TEKT5: variants seen among roughly 807,000 people sequenced by gnomAD.
The protein encoded by TEKT5 is tektin-5.
TEKT5 carries 52 observed loss-of-function variants against 48.7 expected under a neutral mutation model. The ratio of observed to expected loss-of-function variants is 1.07; its 90% CI spans 0.86 to 1.35. The LOEUF (loss-of-function observed/expected upper bound fraction) is 1.35. Ranked by LOEUF, TEKT5 falls within the 40% of genes most tolerant of loss-of-function variation. The pLI is 0.00. For synonymous variants in TEKT5, 318 were observed against 267.6 expected (o/e 1.19, Z -1.84); for missense variants, 831 against 641.6 (o/e 1.30, Z -3.19).
chr16:10,652,789 C>A (rs1259412227), intron 5 of TEKT5, among the ~76,000 whole-genome samples: 1 of 134,288 alleles, frequency 7.4e-6, no homozygotes, highest in Admixed American at 7.5e-5. Flanking sequence ...CACACACACA[C>A]ACACACCCTC....
chr16:10,666,633 G>C (rs1898461969), intron 5 of TEKT5, among the ~76,000 whole-genome samples: 1 of 152,362 alleles, frequency 6.6e-6, no homozygotes, highest in Non-Finnish European at 1.5e-5. Context: ...ACTGCAGAGA[G>C]AGGGAACGCC....
intron 4 of TEKT5, among the ~76,000 whole-genome samples, chr16:10,680,633 G>C (rs1390494131): frequency 6.6e-6 from 1 of 151,594 alleles, no homozygotes; most frequent in African/African-American, 2.4e-5. Context: ...TGATAGACTG[G>C]ATTAAGAAAA....
chr16:10,690,880 GAGAACTC>G lies in TEKT5; in HGVS notation c.565-862_565-856del. Reference sequence around the variant, plus strand: ...TGGATGTCAGGATGCAAATGTATGTGAGAACTCAGAAATGGGAGGGGGTCACTGACCC... The same window carrying G: ...TGGATGTCAGGATGCAAATGTATGTGAGAAATGGGAGGGGGTCACTGACCC... On this transcript the variant is annotated intron_variant, in intron 1 of 6. Transcript: ENST00000283025. 4 of 747,220 alleles carry G rather than the reference GAGAACTC, an allele frequency of 5.4e-6. No homozygotes were observed. In the African/African-American group the frequency reaches 5.7e-5, roughly 11 times the overall value. The allele number at this position is 747,220 out of a possible 1,614,324, so 46.3% of individuals were successfully genotyped here. A position where few individuals can be genotyped will look rare whatever the true frequency, so the allele number is the denominator to read the frequency against.
chr16:10,629,163 C>T lies in TEKT5; in HGVS notation c.1242-1364G>A, dbSNP rs147628897. On this transcript the variant is annotated intron_variant, in intron 6 of 6. Coordinates refer to ENST00000283025, the MANE Select transcript of TEKT5 (RefSeq NM_144674.2). ...TCCTTTTGGGTTGATGAAAACATCA[C>T]AGAACTAGAGAGTGGTGAGGGTTGC... is the stretch of plus-strand genomic sequence containing the variant. 1.8e-3 allele frequency among the ~76,000 whole-genome samples: 273 copies of T among 152,070 alleles called. 1 individual carries two copies. The highest frequency in any genetic ancestry group is 6.3e-3 in the African/African-American group (261 of 41,482).
chr16:10,683,297 C>T (rs11074915), intron 3 of TEKT5, among the ~76,000 whole-genome samples: 2 of 128,544 alleles, frequency 1.6e-5, no homozygotes, highest in Non-Finnish European at 1.8e-5. Context: ...TCAGGGGCTA[C>T]GTGAGGACAG....
At chr16:10,679,322 T>G (rs933041202) in intron 4 of TEKT5, among the ~76,000 whole-genome samples, 1 of 152,034 alleles carries the variant, frequency 6.6e-6, no homozygotes, top group African/African-American at 2.4e-5. Flanking sequence ...CTAGGCGTGG[T>G]GGCATGTGCC....
intron 5 of TEKT5, among the ~76,000 whole-genome samples, chr16:10,656,394 G>T (rs529034591): frequency 2.5e-4 from 38 of 152,132 alleles, no homozygotes; most frequent in Non-Finnish European, 5.1e-4. Context: ...TGGGACTACA[G>T]GCGTGTGCCA....
chr16:10,681,332 G>A (rs955718477), intron 4 of TEKT5, among the ~76,000 whole-genome samples: 2 of 151,956 alleles, frequency 1.3e-5, no homozygotes, highest in African/African-American at 2.4e-5. Flanking sequence ...TAGCGTAGAG[G>A]CTGGGATTTG....
At chr16:10,644,334 G>A (rs12597743) in intron 5 of TEKT5, among the ~76,000 whole-genome samples, 27,116 of 152,126 alleles carry the variant, frequency 0.18, 2,749 homozygotes, top group Middle Eastern at 0.27. Flanking sequence ...ATCATCAGAG[G>A]TGGACATGAG....
At chr16:10,640,498 T>C (rs528606892) in intron 5 of TEKT5, among the ~76,000 whole-genome samples, 8 of 152,108 alleles carry the variant, frequency 5.3e-5, no homozygotes, top group South Asian at 2.1e-4. Context: ...AATTACACGT[T>C]TAATGTTTAC....
chr16:10,687,095 G>A (rs1283810436), intron 3 of TEKT5, among the ~76,000 whole-genome samples: 1 of 152,164 alleles, frequency 6.6e-6, no homozygotes, highest in African/African-American at 2.4e-5. Flanking sequence ...TGGGGTATTG[G>A]GGAGATGGTG....
intron 5 of TEKT5, among the ~76,000 whole-genome samples, chr16:10,639,286 TCCAAAA>T (rs1351770928): frequency 0.022 from 3,378 of 151,088 alleles, 127 homozygotes; most frequent in African/African-American, 0.079. Context: ...CAGCCTGGAG[TCCAAAA>T]AACAAAAACC....
intron 3 of TEKT5, 71 bp downstream of exon 3, chr16:10,689,182 G>A: frequency 7.6e-7 from 1 of 1,314,262 alleles, no homozygotes; most frequent in Non-Finnish European, 1.1e-6. Flanking sequence ...CATCTGGCTT[G>A]TCCCCCAGAA....
chr16:10,629,359 T>TC (rs1897802802), intron 6 of TEKT5, among the ~76,000 whole-genome samples: 1 of 152,050 alleles, frequency 6.6e-6, no homozygotes, highest in African/African-American at 2.4e-5. Flanking sequence ...CAAGCAATTC[T>TC]CTTGCCTCAG....
chr16:10,632,843 AC>A (rs1443781949), intron 6 of TEKT5, among the ~76,000 whole-genome samples: 1 of 150,668 alleles, frequency 6.6e-6, no homozygotes, highest in Non-Finnish European at 1.5e-5. Flanking sequence ...ATGCATACAA[AC>A]CAAAACACAA....
intron 3 of TEKT5, among the ~76,000 whole-genome samples, chr16:10,685,797 C>T (rs1898853531): frequency 6.6e-6 from 1 of 152,158 alleles, no homozygotes; most frequent in African/African-American, 2.4e-5. Flanking sequence ...CTCTGTGTCT[C>T]TCAGTCTCTG....
chr16:10,634,064 G>A (rs56300791), intron 6 of TEKT5, among the ~76,000 whole-genome samples: 2,036 of 152,270 alleles, frequency 0.013, 55 homozygotes, highest in African/African-American at 0.047. Context: ...AGGATGGAGG[G>A]AGCAGGGTCC....
At chr16:10,657,886 C>G (rs1046510477) in intron 5 of TEKT5, among the ~76,000 whole-genome samples, 2 of 151,976 alleles carry the variant, frequency 1.3e-5, no homozygotes, top group Non-Finnish European at 1.5e-5. Flanking sequence ...AGGCGTGAAC[C>G]ACTGCGCCCG....
intron 5 of TEKT5, among the ~76,000 whole-genome samples, chr16:10,670,897 C>A (rs35578876): frequency 0.1 from 15,659 of 150,312 alleles, 828 homozygotes; most frequent in Non-Finnish European, 0.12. Context: ...TTATTTATTT[C>A]AACTTATTTT....
Sources: allele counts gnomAD v4.1 joint callset (sites outside exome capture counted in the v4.1 genomes callset), GRCh38; gene constraint gnomAD v4.1.1; transcripts MANE v1.5; gene names NCBI Gene and HGNC (gene_info 2026-07-23, HGNC 2026-07-21).